STXBP5L: variants seen among roughly 807,000 people sequenced by gnomAD.
STXBP5L encodes syntaxin binding protein 5L.
Under a neutral mutation model 144.5 loss-of-function variants are expected in STXBP5L, and 65 were observed. That is an observed-to-expected ratio of 0.45 (90% CI 0.37 to 0.55). STXBP5L has a LOEUF of 0.55. STXBP5L is among the 20% of genes least tolerant of loss of function. The probability of loss-of-function intolerance (pLI) is 0.00; values close to 1 mark genes in which losing one functional copy is unlikely to be tolerated. For synonymous variants in STXBP5L, 505 were observed against 469.6 expected (o/e 1.08, Z -0.97); for missense variants, 1,298 against 1,405.5 (o/e 0.92, Z 1.22).
chr3:120,938,860 A>C (rs1710405807), intron 2 of STXBP5L, among the ~76,000 whole-genome samples: 1 of 152,018 alleles, frequency 6.6e-6, no homozygotes, highest in Non-Finnish European at 1.5e-5. Context: ...AGCTCACTGC[A>C]GTGTCGAACT....
At chr3:121,166,034 A>G (rs2046487325) in intron 9 of STXBP5L, among the ~76,000 whole-genome samples, 1 of 149,888 alleles carries the variant, frequency 6.7e-6, no homozygotes, top group African/African-American at 2.5e-5. Context: ...TTTTTTTGAG[A>G]CAGGGTCTGG....
chr3:121,045,591 C>A, intron 5 of STXBP5L, 56 bp downstream of exon 5: 1 of 1,511,528 alleles, frequency 6.6e-7, no homozygotes, highest in Non-Finnish European at 9.0e-7. Flanking sequence ...ATTTCCTGAG[C>A]AAGTTTTTGT....
chr3:120,984,905 A>G (rs1624360), intron 3 of STXBP5L, among the ~76,000 whole-genome samples: 78,101 of 151,576 alleles, frequency 0.52, 20,552 homozygotes, highest in Admixed American at 0.6. Context: ...TGCTTTTTCT[A>G]CATCAATTGA....
At chr3:121,192,359 A>G (rs2047731008) in intron 9 of STXBP5L, among the ~76,000 whole-genome samples, 1 of 152,216 alleles carries the variant, frequency 6.6e-6, no homozygotes, top group South Asian at 2.1e-4. Context: ...ATGCTCATGG[A>G]TAGGAAGAAT....
chr3:121,413,466 G>C (rs547742618), intron 24 of STXBP5L, 143 bp downstream of exon 24: 1 of 696,122 alleles, frequency 1.4e-6, no homozygotes, highest in East Asian at 3.2e-5. Context: ...TCTTCATTTT[G>C]AGCCTACCAA....
At chr3:121,364,967 A>G (rs1033797605) in intron 20 of STXBP5L, among the ~76,000 whole-genome samples, 2 of 151,776 alleles carry the variant, frequency 1.3e-5, no homozygotes, top group African/African-American at 2.4e-5. Flanking sequence ...CTCAATTGAG[A>G]TGATCAGGTG....
At chr3:121,357,593 G>A (rs1560016767) in intron 20 of STXBP5L, 1 of 152,210 alleles carries the variant, frequency 6.6e-6, no homozygotes, top group Non-Finnish European at 1.5e-5. Flanking sequence ...GCCTGGATGA[G>A]CTATGATAGC....
At chr3:121,273,765 A>G (rs967732893) in intron 18 of STXBP5L, among the ~76,000 whole-genome samples, 7 of 152,034 alleles carry the variant, frequency 4.6e-5, no homozygotes, top group Non-Finnish European at 7.4e-5. Flanking sequence ...TATAATTTCA[A>G]AAGATCTGTC....
At chr3:120,982,611 C>T (rs1163239410) in intron 3 of STXBP5L, among the ~76,000 whole-genome samples, 1 of 152,208 alleles carries the variant, frequency 6.6e-6, no homozygotes, top group Non-Finnish European at 1.5e-5. Context: ...GTCGAAGTGG[C>T]TTTGGAGTAG....
At chr3:121,081,442 GC>G (rs2042243878) in intron 5 of STXBP5L, among the ~76,000 whole-genome samples, 1 of 151,970 alleles carries the variant, frequency 6.6e-6, no homozygotes, top group South Asian at 2.1e-4. Flanking sequence ...GGTTCTTGGT[GC>G]TTTTACGGGT....
intron 3 of STXBP5L, among the ~76,000 whole-genome samples, chr3:121,034,222 T>C (rs530458925): frequency 7.9e-5 from 12 of 152,252 alleles, no homozygotes; most frequent in African/African-American, 2.9e-4. Flanking sequence ...TCTGAGTTCT[T>C]AGTGTAACCA....
chr3:121,316,697 T>TAATA (rs1559969011), intron 19 of STXBP5L, among the ~76,000 whole-genome samples: 5 of 152,216 alleles, frequency 3.3e-5, no homozygotes, highest in Non-Finnish European at 7.4e-5. Flanking sequence ...AAAGAGCGTG[T>TAATA]GGCACAGTAG....
At position 121,027,360 on chromosome 3, in the gene STXBP5L, A is replaced by T. The variant is rs116055708; in HGVS notation, c.288-14340A>T. ...GATATCAGGGTCAAGAGGAACTGAA[A>T]GGTTAACTTAATAGCATCCATGTAG... On this transcript the variant is annotated intron_variant, in intron 3 of 26. Transcript: ENST00000471454. 2.8e-3 allele frequency among the ~76,000 whole-genome samples: 420 copies of T among 152,226 alleles called. 3 individuals carry two copies. The highest frequency in any genetic ancestry group is 9.1e-3 in the African/African-American group (380 of 41,572).
chr3:121,236,693 C>T (rs2049494682), intron 12 of STXBP5L, among the ~76,000 whole-genome samples: 1 of 152,224 alleles, frequency 6.6e-6, no homozygotes, highest in Non-Finnish European at 1.5e-5. Context: ...CTCATGTCCT[C>T]ACATAAAAGA....
chr3:121,295,557 A>T (rs986947887), intron 19 of STXBP5L, among the ~76,000 whole-genome samples: 1 of 152,194 alleles, frequency 6.6e-6, no homozygotes, highest in Non-Finnish European at 1.5e-5. Context: ...CAACAAAAAC[A>T]TACAAAATAC....
At chr3:121,182,040 C>G (rs994975327) in intron 9 of STXBP5L, among the ~76,000 whole-genome samples, 16 of 151,880 alleles carry the variant, frequency 1.1e-4, no homozygotes, top group African/African-American at 3.9e-4. Context: ...ACTACTAGAC[C>G]TAAGAAATGA....
rs1273992601 is a variant in STXBP5L at position 121,055,771 on chromosome 3, G to T, written c.470+10236G>T. ...GCTGGAGTACAGTAGCATCAGCTTGGCTCACACAACCTTGAATTCCTGGGC... is the reference window on the plus strand; with the variant it reads ...GCTGGAGTACAGTAGCATCAGCTTGTCTCACACAACCTTGAATTCCTGGGC... On this transcript the variant is annotated intron_variant, in intron 5 of 26. Transcript: ENST00000471454. Among the ~76,000 whole-genome samples the T allele has an allele frequency of 2.0e-5, 3 of 151,910 alleles. No homozygotes were observed. The East Asian group carries it at 5.8e-4, about 29-fold the overall frequency.
At chr3:121,359,832 C>G (rs1329365507) in intron 20 of STXBP5L, among the ~76,000 whole-genome samples, 1 of 151,588 alleles carries the variant, frequency 6.6e-6, no homozygotes, top group Non-Finnish European at 1.5e-5. Context: ...CAGTACCATG[C>G]TATTTTGGTA....
chr3:121,024,115 C>G (rs618133), intron 3 of STXBP5L, among the ~76,000 whole-genome samples: 32,467 of 152,050 alleles, frequency 0.21, 3,695 homozygotes, highest in Non-Finnish European at 0.26. Flanking sequence ...GAAAGACACT[C>G]TTAAAGGAAT....
Sources: allele counts gnomAD v4.1 joint callset (sites outside exome capture counted in the v4.1 genomes callset), GRCh38; gene constraint gnomAD v4.1.1; transcripts MANE v1.5; gene names NCBI Gene and HGNC (gene_info 2026-07-23, HGNC 2026-07-21).